The following PCNX1 variants were observed in gnomAD, a reference collection of about 807,000 sequenced individuals.
PCNX1 encodes the protein pecanex-like protein 1.
Under a neutral mutation model 242.2 loss-of-function variants are expected in PCNX1, and 78 were observed. The observed-to-expected ratio is 0.32, with a 90% CI of 0.27 to 0.39. The LOEUF is 0.39. PCNX1 is among the 10% of genes least tolerant of loss of function. The pLI is 1.00. For synonymous variants in PCNX1, 1,024 were observed against 1,032.9 expected (o/e 0.99, Z 0.17); for missense variants, 2,581 against 2,856.5 (o/e 0.90, Z 2.20).
chr14:71,074,302 A>C (rs2240534), intron 27 of PCNX1, among the ~76,000 whole-genome samples: 9,378 of 152,268 alleles, frequency 0.062, 415 homozygotes, highest in East Asian at 0.27. Flanking sequence ...AAAATTCAAG[A>C]GGTCCCTAAG....
chr14:70,996,768 T>C (rs1460504111), intron 8 of PCNX1, among the ~76,000 whole-genome samples: 1 of 152,186 alleles, frequency 6.6e-6, no homozygotes, highest in Non-Finnish European at 1.5e-5. Context: ...CATGTTATAA[T>C]TGCTTTTTAC....
intron 1 of PCNX1, among the ~76,000 whole-genome samples, chr14:70,920,544 A>G (rs1594895589): frequency 1.3e-5 from 2 of 152,216 alleles, no homozygotes; most frequent in Non-Finnish European, 2.9e-5. Flanking sequence ...TGAATAACCT[A>G]ATACAGGCTA....
intron 28 of PCNX1, 92 bp from the exon 29 acceptor site, chr14:71,088,238 A>G: frequency 1.5e-6 from 1 of 655,088 alleles, no homozygotes; most frequent in Non-Finnish European, 2.7e-6. Flanking sequence ...TACTCTTTGA[A>G]TTCTTTATCA....
At chr14:71,100,679 A>G (rs1566804373) in intron 30 of PCNX1, among the ~76,000 whole-genome samples, 1 of 152,144 alleles carries the variant, frequency 6.6e-6, no homozygotes, top group African/African-American at 2.4e-5. Context: ...TCCCTCAAAT[A>G]TGTTTTTCAG....
intron 2 of PCNX1, among the ~76,000 whole-genome samples, chr14:70,951,485 C>G (rs2057776983): frequency 6.6e-6 from 1 of 152,090 alleles, no homozygotes; most frequent in Non-Finnish European, 1.5e-5. Flanking sequence ...AACGGTTCTC[C>G]TGCCTCAGCC....
At chr14:71,062,106 A>G (rs1057062662) in intron 26 of PCNX1, among the ~76,000 whole-genome samples, 4 of 152,198 alleles carry the variant, frequency 2.6e-5, no homozygotes, top group Non-Finnish European at 5.9e-5. Context: ...AAGCAAATCT[A>G]TGATGAATGA....
intron 24 of PCNX1, among the ~76,000 whole-genome samples, chr14:71,052,948 C>T (rs888346261): frequency 3.3e-5 from 5 of 152,102 alleles, no homozygotes; most frequent in African/African-American, 1.2e-4. Context: ...TTAATATAAA[C>T]ACATTGGTTT....
At chr14:70,989,855 A>G (rs796817168) in intron 7 of PCNX1, among the ~76,000 whole-genome samples, 14 of 152,348 alleles carry the variant, frequency 9.2e-5, no homozygotes, top group African/African-American at 3.4e-4. Flanking sequence ...TACATACTTT[A>G]CATATGCCTG....
At chr14:70,940,291 T>C (rs2057183113) in intron 1 of PCNX1, among the ~76,000 whole-genome samples, 1 of 152,236 alleles carries the variant, frequency 6.6e-6, no homozygotes, top group African/African-American at 2.4e-5. Flanking sequence ...CCATGTTTAG[T>C]GCTTCCTTCA....
chr14:70,926,187 C>T (rs1466408235), intron 1 of PCNX1, among the ~76,000 whole-genome samples: 1 of 152,168 alleles, frequency 6.6e-6, no homozygotes, highest in African/African-American at 2.4e-5. Flanking sequence ...TAATTTGTGT[C>T]ACTGGTCATT....
rs112191933 is a variant in PCNX1 at position 71,050,238 on chromosome 14, T to C, written c.4339-414T>C. On this transcript the variant is annotated intron_variant, in intron 22 of 35. Transcript: ENST00000304743. The stretch of plus-strand genomic sequence containing the variant: ...GCACAATGTGCAGGTTAGTTACATA[T>C]GTATACATGTGCCATGCTGGTGCGC... Among the ~76,000 whole-genome samples the C allele has an allele frequency of 1.7e-4, 26 of 152,234 alleles. 3 individuals carry two copies. Among genetic ancestry groups the C allele is most frequent in the African/African-American group, 5.8e-4 (24 of 41,556 alleles).
chr14:70,915,766 T>A (rs2056128771), intron 1 of PCNX1, among the ~76,000 whole-genome samples: 1 of 152,196 alleles, frequency 6.6e-6, no homozygotes, highest in South Asian at 2.1e-4. Context: ...CTTTGATAAA[T>A]ACTCATTTTA....
intron 26 of PCNX1, among the ~76,000 whole-genome samples, chr14:71,059,716 G>C (rs1276088791): frequency 1.3e-5 from 2 of 152,056 alleles, no homozygotes; most frequent in Non-Finnish European, 2.9e-5. Context: ...AGACACATTT[G>C]ATCATGGCAT....
At chr14:71,102,410 C>T (rs1024776523) in intron 31 of PCNX1, among the ~76,000 whole-genome samples, 190 bp downstream of exon 31, 5 of 151,982 alleles carry the variant, frequency 3.3e-5, no homozygotes, top group African/African-American at 9.7e-5. Flanking sequence ...GGACTACAGA[C>T]ATGCACCACC....
chr14:71,064,740 G>A (rs1383643630), intron 26 of PCNX1, among the ~76,000 whole-genome samples: 2 of 152,124 alleles, frequency 1.3e-5, no homozygotes, highest in Non-Finnish European at 2.9e-5. Context: ...TCTACATTAG[G>A]TATTTCTCCT....
rs1463439323 is a variant in PCNX1 at position 70,994,407 on chromosome 14, A to G, written c.2445-1334A>G. ...AACCACAGGCTTAAGATATATATAT[A>G]TATATATATATATATATATATATGT... On this transcript the variant is annotated intron_variant, in intron 7 of 35. Coordinates refer to ENST00000304743, the MANE Select transcript of PCNX1 (RefSeq NM_014982.3). Among the ~76,000 whole-genome samples the G allele has an allele frequency of 9.3e-5, 9 of 96,656 alleles. 1 individual carries two copies. The highest frequency in any genetic ancestry group is 3.4e-4 in the African/African-American group (9 of 26,846). The allele number at this position is 96,656 out of a possible 152,430, so 63.4% of individuals were successfully genotyped here. A position where few individuals can be genotyped will look rare whatever the true frequency, so the allele number is the denominator to read the frequency against.
chr14:71,036,231 T>G, intron 19 of PCNX1, 74 bp downstream of exon 19: 1 of 940,600 alleles, frequency 1.1e-6, no homozygotes, highest in Non-Finnish European at 1.7e-6. Context: ...CAGGCTGGAG[T>G]GCAGTGTTGC....
chr14:70,949,435 A>G (rs2057686676), intron 2 of PCNX1, among the ~76,000 whole-genome samples: 1 of 151,592 alleles, frequency 6.6e-6, no homozygotes, highest in South Asian at 2.1e-4. Context: ...ACACGTATAT[A>G]TGTGTATATA....
At chr14:71,027,407 T>C (rs924598728) in intron 15 of PCNX1, among the ~76,000 whole-genome samples, 2 of 151,964 alleles carry the variant, frequency 1.3e-5, no homozygotes, top group Admixed American at 6.6e-5. Flanking sequence ...TGGCTATGAA[T>C]TGATACACTT....
Sources: allele counts gnomAD v4.1 joint callset (sites outside exome capture counted in the v4.1 genomes callset), GRCh38; gene constraint gnomAD v4.1.1; transcripts MANE v1.5; gene names NCBI Gene and HGNC (gene_info 2026-07-23, HGNC 2026-07-21).